ZNF814: variants seen among roughly 807,000 people sequenced by gnomAD.
ZNF814 encodes zinc finger protein 814.
Under a neutral mutation model 7.5 loss-of-function variants are expected in ZNF814, and 5 were observed. The ratio of observed to expected loss-of-function variants is 0.67; its 90% CI spans 0.35 to 1.40. ZNF814 has a LOEUF of 1.40. Ranked by LOEUF, ZNF814 falls within the 40% of genes most tolerant of loss-of-function variation. ZNF814 has a pLI of 0.04. For synonymous variants in ZNF814, 315 were observed against 340.7 expected (o/e 0.92, Z 0.83); for missense variants, 962 against 1,018.0 (o/e 0.94, Z 0.75).
upstream of ZNF814, chr19:57,889,145 G>A (rs2071718469): frequency 2.4e-6 from 1 of 422,930 alleles, no homozygotes; most frequent in Non-Finnish European, 4.2e-6. Context: ...TCGAGGCTGA[G>A]TTTTCTGGGT....
In ZNF814 at chr19:57,872,820, ACT is replaced by A; in HGVS notation, c.2568_*1del. 1 of 1,610,012 alleles carries A rather than the reference ACT, an allele frequency of 6.2e-7. No homozygotes were observed. The highest frequency in any genetic ancestry group is 1.1e-5 in the South Asian group (1 of 90,660). ...CTAAAAACTTTCTGACAATCCTCACACTCATATGGCTTTTCTCCAGTGTGAAC... is the reference window on the plus strand; with the variant it reads ...CTAAAAACTTTCTGACAATCCTCACACATATGGCTTTTCTCCAGTGTGAAC... On this transcript the variant is annotated stop_lost and 3_prime_UTR_variant, in exon 3 of 3. Transcript: ENST00000435989.
the ZNF814 span, among the ~76,000 whole-genome samples, chr19:57,902,853 T>A: frequency 2.7e-5 from 4 of 149,684 alleles, no homozygotes; most frequent in African/African-American, 7.6e-5. Flanking sequence ...TATTTATTTA[T>A]TTTTTTTAGT....
In ZNF814 at chr19:57,888,930, T is replaced by A. The variant is rs1322207943; in HGVS notation, c.-128A>T. 2.6e-5 allele frequency: 27 copies of A among 1,052,046 alleles called. No homozygotes were observed. The highest frequency in any genetic ancestry group is 5.0e-4 in the Middle Eastern group (2 of 4,002). 65.2% of individuals were successfully genotyped at this position (1,052,046 alleles called of 1,614,324 possible). A position where few individuals can be genotyped will look rare whatever the true frequency, so the allele number is the denominator to read the frequency against. ...GCCGTCACAGAGCTCCAGAGTAGCC[T>A]CTGTGCAGCGGAGGACAACTGCTCC... On this transcript the variant is annotated 5_prime_UTR_variant, in exon 1 of 3. Transcript: ENST00000435989.
chr19:57,873,868 C>T lies in ZNF814; in HGVS notation c.1522G>A (p.Val508Ile), dbSNP rs748933402. 65 of 1,609,386 alleles carry T rather than the reference C, an allele frequency of 4.0e-5. No homozygotes were observed. The highest frequency in any genetic ancestry group is 1.1e-4 in the African/African-American group (8 of 73,522). Reference protein sequence around the residue: ...GKSFSQKGNLVLHQRVHTGAR... With the variant: ...GKSFSQKGNLILHQRVHTGAR... ...CCAGTGTGAACTCGCTGGTGTAGAA[C>T]GAGGTTGCCCTTTTGACTGAAAGAT... Residue 508 changes from valine to isoleucine, a missense_variant, in exon 3 of 3, where the codon GTT (valine) becomes ATT (isoleucine). By Grantham distance (29) the Val-to-Ile change is conservative. Transcript: ENST00000435989.
In ZNF814 at chr19:57,869,615, C is replaced by T. The variant is rs1262306704; in HGVS notation, c.*3207G>A. ...CATGCTACAGCTTAAATATGCATAG[C>T]TTACTGAATGTCATTTATAACTCAT... On this transcript the variant is annotated 3_prime_UTR_variant, in exon 3 of 3. Coordinates refer to ENST00000435989, the MANE Select transcript of ZNF814 (RefSeq NM_001144989.2). The T allele has an allele frequency of 6.6e-6, 1 of 152,094 alleles. No individual in the cohort carries two copies. The highest frequency in any genetic ancestry group is 6.6e-5 in the Admixed American group (1 of 15,260). 9.4% of individuals were successfully genotyped at this position (152,094 alleles called of 1,614,324 possible). A position where few individuals can be genotyped will look rare whatever the true frequency, so the allele number is the denominator to read the frequency against.
the ZNF814 span, among the ~76,000 whole-genome samples, chr19:57,904,846 T>A: frequency 6.6e-6 from 1 of 151,758 alleles, no homozygotes. Flanking sequence ...AGGTCGAGCG[T>A]TCCTGACTAG....
chr19:57,884,766 G>C (rs1353147507), intron 1 of ZNF814, among the ~76,000 whole-genome samples: 2 of 152,158 alleles, frequency 1.3e-5, no homozygotes, highest in Non-Finnish European at 2.9e-5. Context: ...ACAAATGCTG[G>C]TGAGGATGTG....
In ZNF814 at chr19:57,889,005, T is replaced by A. The variant is rs1194489123; in HGVS notation, c.-203A>T. On this transcript the variant is annotated 5_prime_UTR_variant, in exon 1 of 3. Coordinates refer to ENST00000435989, the MANE Select transcript of ZNF814 (RefSeq NM_001144989.2). ...AGTGCGGACCTAGCGCTCAGGAGCC[T>A]CTCCTACAAATAAATCCAACACCAA... 1 of 578,740 alleles carries A rather than the reference T, an allele frequency of 1.7e-6. No individual in the cohort carries two copies. The highest frequency in any genetic ancestry group is 1.9e-5 in the African/African-American group (1 of 53,382). The allele number at this position is 578,740 out of a possible 1,614,324, so 35.9% of individuals were successfully genotyped here.
At chr19:57,901,743 A>G in the ZNF814 span, 1 of 398,664 alleles carries the variant, frequency 2.5e-6, no homozygotes, top group Non-Finnish European at 4.4e-6. Flanking sequence ...ATCAAAAACA[A>G]CTAGTAACCT....
At chr19:57,879,252 C>T (rs2071633722) in intron 1 of ZNF814, among the ~76,000 whole-genome samples, 1 of 151,406 alleles carries the variant, frequency 6.6e-6, no homozygotes. Context: ...TTCAGCTATC[C>T]ATGACCCTAT....
chr19:57,876,873 A>G (rs2071610900), intron 2 of ZNF814, 43 bp downstream of exon 2: 1 of 1,609,762 alleles, frequency 6.2e-7, no homozygotes, highest in Admixed American at 1.7e-5. Context: ...ATAGGGGAAA[A>G]CAGAGACTAG....
At chr19:57,891,624 G>T (rs930881990), upstream of ZNF814, among the ~76,000 whole-genome samples, 2 of 152,188 alleles carry the variant, frequency 1.3e-5, no homozygotes, top group African/African-American at 4.8e-5. Flanking sequence ...GACCAAGGTG[G>T]GAGGATCATG....
At position 57,875,004 on chromosome 19, in the gene ZNF814, A is replaced by G; in HGVS notation, c.386T>C (p.Leu129Ser). The change falls in exon 3 of 3, where the codon TTG becomes TCG. Residue 129 changes from leucine to serine, a missense_variant. This residue lies in a region of ZNF814 where 65 missense variants were observed against 131.3 expected (regional missense o/e 0.50). Coordinates refer to ENST00000435989, the MANE Select transcript of ZNF814 (RefSeq NM_001144989.2). ...CTGATGAAAGTTTCCACTGTCATAC[A>G]ATTTATTCCCCCAGGCCTCACACCT... is the stretch of plus-strand genomic sequence containing the variant. ...LHRCEAWGNK[L>S]YDSGNFHQHQ... is the part of the protein sequence containing the mutation. 2 of 1,611,202 alleles carry G rather than the reference A, an allele frequency of 1.2e-6. No homozygotes were observed. Among genetic ancestry groups the G allele is most frequent in the Non-Finnish European group, 1.7e-6 (2 of 1,178,188 alleles).
At chr19:57,888,433 T>G (rs2071710871) in intron 1 of ZNF814, among the ~76,000 whole-genome samples, 1 of 152,176 alleles carries the variant, frequency 6.6e-6, no homozygotes, top group South Asian at 2.1e-4. Context: ...AAAATCTCCA[T>G]GCCTTCTAGG....
chr19:57,875,433 A>G (rs1328977817), intron 2 of ZNF814, among the ~76,000 whole-genome samples: 1 of 152,254 alleles, frequency 6.6e-6, no homozygotes, highest in African/African-American at 2.4e-5. Context: ...GTTAAAGGAC[A>G]CAACCATGTA....
intron 2 of ZNF814, among the ~76,000 whole-genome samples, chr19:57,876,116 G>A (rs1169520448): frequency 6.6e-6 from 1 of 151,716 alleles, no homozygotes; most frequent in African/African-American, 2.4e-5. Context: ...GTACCACCAG[G>A]CCTGACTACT....
chr19:57,883,186 A>T (rs894472408), intron 1 of ZNF814, among the ~76,000 whole-genome samples: 3 of 150,092 alleles, frequency 2.0e-5, no homozygotes, highest in African/African-American at 7.4e-5. Context: ...GTGAAACCCC[A>T]TCTGTACTAA....
At chr19:57,887,480 T>C (rs1600140955) in intron 1 of ZNF814, among the ~76,000 whole-genome samples, 1 of 152,226 alleles carries the variant, frequency 6.6e-6, no homozygotes, top group African/African-American at 2.4e-5. Context: ...CTTTTTCCTC[T>C]TGATGCTAAG....
chr19:57,893,366 G>A (rs184648462), upstream of ZNF814, among the ~76,000 whole-genome samples: 1 of 151,678 alleles, frequency 6.6e-6, no homozygotes, highest in African/African-American at 2.4e-5. Context: ...TACAGACAAG[G>A]TTTCACCATG....
Sources: allele counts gnomAD v4.1 joint callset (sites outside exome capture counted in the v4.1 genomes callset), GRCh38; gene constraint gnomAD v4.1.1; regional missense constraint gnomAD v4.1.1; transcripts MANE v1.5; gene names NCBI Gene and HGNC (gene_info 2026-07-23, HGNC 2026-07-21).